The following LMNTD1 variants were observed in gnomAD, a reference collection of about 807,000 sequenced individuals.
The protein encoded by LMNTD1 is lamin tail domain-containing protein 1.
In LMNTD1, 35 loss-of-function variants were observed where a neutral mutation model predicts 50.9. That is an observed-to-expected ratio of 0.69 (90% confidence interval 0.53 to 0.91). The LOEUF is 0.91. Ranked by LOEUF, LMNTD1 falls within the 40% of genes least tolerant of loss-of-function variation. The probability of loss-of-function intolerance (pLI) is 0.00; values close to 1 mark genes in which losing one functional copy is unlikely to be tolerated. For synonymous variants in LMNTD1, 153 were observed against 161.9 expected (o/e 0.94, Z 0.42); for missense variants, 470 against 475.5 (o/e 0.99, Z 0.11).
chr12:25,526,301 T>G, intron 5 of LMNTD1, 83 bp from the exon 6 acceptor site: 1 of 1,317,562 alleles, frequency 7.6e-7, no homozygotes, highest in Non-Finnish European at 1.0e-6. Context: ...AACATAATCT[T>G]TCTGAACAGA....
intron 6 of LMNTD1, among the ~76,000 whole-genome samples, chr12:25,525,537 C>T (rs1034467635): frequency 1.3e-5 from 2 of 152,070 alleles, no homozygotes; most frequent in Non-Finnish European, 2.9e-5. Context: ...CCCTTGACTT[C>T]GAAAGTTGAA....
chr12:25,532,366 T>G (rs1942284152), intron 4 of LMNTD1, among the ~76,000 whole-genome samples: 1 of 152,182 alleles, frequency 6.6e-6, no homozygotes, highest in Admixed American at 6.5e-5. Flanking sequence ...CTTCCATCTT[T>G]CCTTGAAGTT....
intron 1 of LMNTD1, among the ~76,000 whole-genome samples, chr12:25,648,274 T>C (rs1377030778): frequency 6.6e-6 from 1 of 152,224 alleles, no homozygotes; most frequent in African/African-American, 2.4e-5. Flanking sequence ...CTTTTTTCAC[T>C]TCAAAATCGT....
At chr12:25,599,986 C>A (rs190395308) in intron 1 of LMNTD1, among the ~76,000 whole-genome samples, 9 of 151,730 alleles carry the variant, frequency 5.9e-5, no homozygotes, top group African/African-American at 2.2e-4. Context: ...ACCCTGAATA[C>A]CAAAATTATG....
chr12:25,647,457 T>A (rs1029409580), intron 1 of LMNTD1, among the ~76,000 whole-genome samples: 1 of 152,142 alleles, frequency 6.6e-6, no homozygotes, highest in African/African-American at 2.4e-5. Flanking sequence ...GCCATGGCTC[T>A]CCAGCCTGGG....
At chr12:25,528,757 G>A (rs759321906) in intron 4 of LMNTD1, among the ~76,000 whole-genome samples, 12 of 152,082 alleles carry the variant, frequency 7.9e-5, no homozygotes, top group Non-Finnish European at 1.3e-4. Flanking sequence ...AAGCCCTCTG[G>A]TCACCAACTC....
At chr12:25,599,597 A>G (rs1369720574) in intron 1 of LMNTD1, among the ~76,000 whole-genome samples, 2 of 151,986 alleles carry the variant, frequency 1.3e-5, no homozygotes, top group Non-Finnish European at 2.9e-5. Context: ...AACAAATTCA[A>G]TAAAGTTGTA....
At chr12:25,557,557 T>C (rs1322934881), upstream of LMNTD1, among the ~76,000 whole-genome samples, 1 of 152,226 alleles carries the variant, frequency 6.6e-6, no homozygotes, top group Non-Finnish European at 1.5e-5. Flanking sequence ...TTTAGAGGAA[T>C]ATAGCACTTA....
intron 8 of LMNTD1, among the ~76,000 whole-genome samples, chr12:25,514,660 AG>A (rs1179869437): frequency 1.3e-5 from 2 of 152,162 alleles, no homozygotes; most frequent in Admixed American, 6.5e-5. Context: ...ACTAACTTGA[AG>A]GGTGTAATTG....
chr12:25,560,879 T>C (rs528394177), intron 1 of LMNTD1, among the ~76,000 whole-genome samples: 1 of 152,358 alleles, frequency 6.6e-6, no homozygotes, highest in East Asian at 1.9e-4. Context: ...TGCACATTGA[T>C]TTTGTATCCT....
intron 8 of LMNTD1, among the ~76,000 whole-genome samples, chr12:25,513,908 T>G (rs1029520654): frequency 2.0e-5 from 3 of 152,082 alleles, no homozygotes; most frequent in African/African-American, 7.2e-5. Context: ...ATGAAAGCCA[T>G]GAAAGAAATC....
chr12:25,481,912 G>T (rs1938461092), intron 9 of LMNTD1, among the ~76,000 whole-genome samples: 1 of 137,680 alleles, frequency 7.3e-6, no homozygotes, highest in Admixed American at 7.4e-5. Flanking sequence ...CACACATATA[G>T]TGAAAGGTGG....
intron 1 of LMNTD1, among the ~76,000 whole-genome samples, chr12:25,634,063 CA>C (rs988657864): frequency 2.0e-5 from 3 of 152,096 alleles, no homozygotes; most frequent in African/African-American, 7.2e-5. Context: ...CCTTCATGCA[CA>C]TAAACTAGAA....
chr12:25,564,377 G>C (rs1944463319), intron 1 of LMNTD1, among the ~76,000 whole-genome samples: 1 of 152,132 alleles, frequency 6.6e-6, no homozygotes, highest in South Asian at 2.1e-4. Flanking sequence ...TCCTGCCTCA[G>C]TCTCCCAAGT....
intron 9 of LMNTD1, among the ~76,000 whole-genome samples, chr12:25,488,897 T>C (rs1324453851): frequency 6.6e-6 from 1 of 152,170 alleles, no homozygotes; most frequent in African/African-American, 2.4e-5. Flanking sequence ...TTGTGAGGTG[T>C]CAGTGTGCCC....
intron 4 of LMNTD1, among the ~76,000 whole-genome samples, chr12:25,533,261 C>A (rs1166393032): frequency 2.0e-5 from 3 of 152,126 alleles, no homozygotes; most frequent in African/African-American, 7.2e-5. Context: ...CCAGCCTTCC[C>A]ATTTATCTTT....
intron 8 of LMNTD1, among the ~76,000 whole-genome samples, chr12:25,507,361 G>T (rs937767033): frequency 1.3e-5 from 2 of 152,142 alleles, no homozygotes. Flanking sequence ...GTCTGTTCTG[G>T]CTGTGATTTT....
chr12:25,503,797 G>C lies in LMNTD1; in HGVS notation c.1193C>G (p.Ser398Cys). ...TGACTCAGATGTCTTCTTTTTCTTA[G>C]ACCCTGAAAATTAAAAAAAATAATT... ...RSTRPNRASG[S>C]KKKKTSESQK... The change falls in exon 9 of 10, where the codon TCT (serine) becomes TGT (cysteine). Residue 398 changes from serine to cysteine, a missense_variant. Coordinates refer to ENST00000458174, the MANE Select transcript of LMNTD1 (RefSeq NM_001145728.2). The C allele has an allele frequency of 6.4e-7, 1 of 1,567,930 alleles. No individual in the cohort carries two copies. Among genetic ancestry groups the C allele is most frequent in the Non-Finnish European group, 8.7e-7 (1 of 1,149,370 alleles).
intron 9 of LMNTD1, among the ~76,000 whole-genome samples, chr12:25,490,547 A>G (rs1395702013): frequency 6.6e-6 from 1 of 152,222 alleles, no homozygotes; most frequent in Non-Finnish European, 1.5e-5. Flanking sequence ...CATTTTACAG[A>G]GGTGCGGAAG....
Sources: allele counts gnomAD v4.1 joint callset (sites outside exome capture counted in the v4.1 genomes callset), GRCh38; gene constraint gnomAD v4.1.1; transcripts MANE v1.5; gene names NCBI Gene and HGNC (gene_info 2026-07-23, HGNC 2026-07-21).